Variants in ZDHHC11 observed in about 807,000 individuals in gnomAD.
ZDHHC11 encodes palmitoyltransferase ZDHHC11.
ZDHHC11 carries 44 observed loss-of-function variants against 51.3 expected under a neutral mutation model. The ratio of observed to expected loss-of-function variants is 0.86; its 90% CI spans 0.67 to 1.10. The LOEUF is 1.10. Ranked by LOEUF, ZDHHC11 falls within the 50% of genes least tolerant of loss-of-function variation. ZDHHC11 has a pLI of 0.00. For missense variants in ZDHHC11, 400 were observed against 537.7 expected, an observed-to-expected ratio of 0.74 and a Z score of 2.53; for synonymous variants, 163 against 222.0, an observed-to-expected ratio of 0.73 and a Z score of 2.36.
At chr5:841,927 G>A in intron 4 of ZDHHC11, 1 of 989,096 alleles carries the variant, frequency 1.0e-6, no homozygotes, top group Non-Finnish European at 1.2e-6. Flanking sequence ...ATCCTAGAAG[G>A]CAAACACCAC....
At chr5:831,535 A>C (rs959541178) in intron 7 of ZDHHC11, among the ~76,000 whole-genome samples, 5 of 148,164 alleles carry the variant, frequency 3.4e-5, no homozygotes, top group Non-Finnish European at 7.5e-5. Context: ...GCGAGCCAAG[A>C]TCATGCCCCT....
upstream of ZDHHC11, among the ~76,000 whole-genome samples, chr5:859,652 G>A (rs1391285418): frequency 6.6e-6 from 1 of 152,200 alleles, no homozygotes. Context: ...CAGCATTTTA[G>A]CAAGTTGTTT....
At chr5:852,677 CG>C (rs1462485975), upstream of ZDHHC11, among the ~76,000 whole-genome samples, 1 of 135,794 alleles carries the variant, frequency 7.4e-6, no homozygotes, top group African/African-American at 2.8e-5. Flanking sequence ...GACAGCGAGC[CG>C]GGGGGACAGA....
chr5:852,039 G>A (rs73018839), upstream of ZDHHC11, among the ~76,000 whole-genome samples: 14,886 of 149,380 alleles, frequency 0.1, 2,044 homozygotes, highest in African/African-American at 0.31. Context: ...CTGGGCAACA[G>A]AGGGAGACTC....
intron 1 of ZDHHC11, among the ~76,000 whole-genome samples, chr5:849,263 C>A (rs1393169205): frequency 1.3e-5 from 2 of 152,154 alleles, no homozygotes; most frequent in East Asian, 1.9e-4. Flanking sequence ...AAATCCCCCA[C>A]AGAATGTACC....
At chr5:851,036 G>A (rs1035624783), upstream of ZDHHC11, 12 of 217,810 alleles carry the variant, frequency 5.5e-5, no homozygotes, top group Admixed American at 2.1e-4. Context: ...GAAAACCCAC[G>A]TCAGAAAGAG....
intron 12 of ZDHHC11, among the ~76,000 whole-genome samples, chr5:800,550 T>C (rs1738269001): frequency 6.6e-6 from 1 of 151,526 alleles, no homozygotes; most frequent in African/African-American, 2.4e-5. Flanking sequence ...AGAGCATGTC[T>C]GGATGGTTTG....
intron 11 of ZDHHC11, 65 bp downstream of exon 11, chr5:814,696 A>G (rs1351599809): frequency 1.1e-5 from 16 of 1,430,308 alleles, no homozygotes; most frequent in African/African-American, 1.4e-5. Context: ...ATATTTTCCT[A>G]TGTAATTTGA....
intron 11 of ZDHHC11, among the ~76,000 whole-genome samples, chr5:809,416 T>G (rs1739792311): frequency 6.8e-6 from 1 of 147,048 alleles, no homozygotes. Flanking sequence ...AGCTCCCAAA[T>G]GTGGGTCCCG....
At chr5:818,725 G>T (rs1216019202) in intron 10 of ZDHHC11, among the ~76,000 whole-genome samples, 1 of 151,512 alleles carries the variant, frequency 6.6e-6, no homozygotes, top group Non-Finnish European at 1.5e-5. Context: ...GCTGGGTGTG[G>T]TGGCACACGC....
At chr5:820,944 A>G (rs919056282) in intron 9 of ZDHHC11, among the ~76,000 whole-genome samples, 4 of 151,310 alleles carry the variant, frequency 2.6e-5, no homozygotes, top group Non-Finnish European at 5.9e-5. Flanking sequence ...GTTTAGGGAA[A>G]CACAGTGAAC....
intron 9 of ZDHHC11, among the ~76,000 whole-genome samples, chr5:820,586 G>T (rs78816739): frequency 2.0e-5 from 3 of 151,138 alleles, no homozygotes; most frequent in Non-Finnish European, 1.5e-5. Flanking sequence ...CCTGGGGAAG[G>T]GGGGCTGCAC....
At chr5:828,523 G>T (rs946813513) in intron 7 of ZDHHC11, among the ~76,000 whole-genome samples, 2 of 151,356 alleles carry the variant, frequency 1.3e-5, no homozygotes, top group African/African-American at 4.9e-5. Context: ...CTGGACATAA[G>T]AAATGAGACT....
At chr5:824,322 G>A (rs1244897764) in intron 8 of ZDHHC11, among the ~76,000 whole-genome samples, 4 of 151,468 alleles carry the variant, frequency 2.6e-5, no homozygotes, top group South Asian at 2.1e-4. Context: ...TTGGCTGGGC[G>A]TGGTGGCATA....
At position 819,567 on chromosome 5, in the gene ZDHHC11, C is replaced by G. The variant is rs199981183; in HGVS notation, c.1104G>C (p.Gln368His). 1.7e-5 allele frequency: 28 copies of G among 1,610,000 alleles called. 2 individuals carry two copies. Among genetic ancestry groups the G allele is most frequent in the South Asian group, 1.1e-5 (1 of 90,946 alleles). Residue 368 changes from glutamine to histidine, a missense_variant, in exon 10 of 13, where the codon CAG (glutamine) becomes CAC (histidine). Transcript: ENST00000283441. ...CGTCTGGGTGTACACGAGTGGAGAA[C>G]TGACACAGGCGCCTGCAAATCAGCC... Reference protein sequence around the residue: ...NSRLICRRLCQFSTRVHPDGG... With the variant: ...NSRLICRRLCHFSTRVHPDGG...
intron 10 of ZDHHC11, chr5:816,817 T>C: frequency 2.1e-6 from 1 of 476,624 alleles, no homozygotes; most frequent in South Asian, 1.8e-5. Flanking sequence ...TCTTAAAAGG[T>C]TTGATGGCAG....
At chr5:819,646 A>C in intron 9 of ZDHHC11, 34 bp from the exon 10 acceptor site, 1 of 1,599,012 alleles carries the variant, frequency 6.3e-7, no homozygotes. Flanking sequence ...GAAACACACC[A>C]CAGTTTTGTA....
upstream of ZDHHC11, among the ~76,000 whole-genome samples, chr5:854,053 C>T (rs1353732828): frequency 1.4e-5 from 2 of 145,010 alleles, no homozygotes; most frequent in Admixed American, 1.4e-4. Context: ...GGACAGTGAG[C>T]AGCCGGGACA....
intron 12 of ZDHHC11, among the ~76,000 whole-genome samples, chr5:799,419 T>C (rs566843347): frequency 2.0e-5 from 3 of 151,698 alleles, no homozygotes; most frequent in African/African-American, 7.2e-5. Context: ...TTTTTCTTTA[T>C]AAATTACCCA....
Sources: gnomAD v4.1 joint callset for allele counts (sites outside exome capture counted in the v4.1 genomes callset) on GRCh38, gnomAD v4.1.1 for gene constraint, MANE v1.5 for transcripts, NCBI Gene and HGNC (gene_info 2026-07-23, HGNC 2026-07-21) for gene names.